WDR54: variants seen among roughly 807,000 people sequenced by gnomAD.
WDR54 encodes the protein WD repeat-containing protein 54.
WDR54 carries 44 observed loss-of-function variants against 44.1 expected under a neutral mutation model. The observed-to-expected ratio is 1.00, with a 90% CI of 0.78 to 1.28. The LOEUF (loss-of-function observed/expected upper bound fraction) is 1.28. WDR54 is among the 50% of genes most tolerant of loss of function. The pLI is 0.00. For missense variants in WDR54, 409 were observed against 429.7 expected (o/e 0.95, Z 0.43); for synonymous variants, 169 against 169.8 (o/e 1.00, Z 0.04).
chr2:74,422,282 G>C lies in WDR54; in HGVS notation c.129G>C (p.Gln43His). 6.2e-7 allele frequency: 1 copy of C among 1,614,222 alleles called. No individual in the cohort carries two copies. Among genetic ancestry groups the C allele is most frequent in the Non-Finnish European group, 8.5e-7 (1 of 1,180,040 alleles). Residue 43 changes from glutamine (Q) to histidine (H), a missense_variant, in exon 2 of 10, where the codon CAG becomes CAC. By Grantham distance (24) the Gln-to-His change is conservative. Coordinates refer to ENST00000348227, the MANE Select transcript of WDR54 (RefSeq NM_032118.4). Reference sequence around the variant, plus strand: ...GCGTGGTTCATGGACCAAGCGCCCAGCTTCTCAGCGCTGCTCCTGAGGGTG... The same window carrying C: ...GCGTGGTTCATGGACCAAGCGCCCACCTTCTCAGCGCTGCTCCTGAGGGTG... ...YFGVVHGPSA[Q>H]LLSAAPEGVP...
chr2:74,424,447 T>C (rs1160905813), intron 6 of WDR54, among the ~76,000 whole-genome samples: 3 of 152,220 alleles, frequency 2.0e-5, no homozygotes, highest in Non-Finnish European at 1.5e-5. Context: ...GTGTATATTT[T>C]CTTATTCATA....
Position 74,422,269 on chromosome 2 carries a change from G to A in WDR54, c.116G>A (p.Gly39Glu), listed in dbSNP as rs1670136507. The A allele has an allele frequency of 6.2e-7, 1 of 1,614,086 alleles. No homozygotes were observed. The highest frequency in any genetic ancestry group is 8.5e-7 in the Non-Finnish European group (1 of 1,180,048). The change falls in exon 2 of 10, where the codon GGA becomes GAA. Residue 39 changes from glycine (G) to glutamate (E), a missense_variant. Transcript: ENST00000348227. ...CTCACGTATTTTGGCGTGGTTCATG[G>A]ACCAAGCGCCCAGCTTCTCAGCGCT... is the stretch of plus-strand genomic sequence containing the variant. ...RNLTYFGVVH[G>E]PSAQLLSAAP...
intron 8 of WDR54, 39 bp from the exon 9 acceptor site, chr2:74,425,378 C>T (rs56403792): frequency 9.9e-6 from 16 of 1,612,356 alleles, no homozygotes; most frequent in African/African-American, 4.0e-5. Context: ...ATAGCTGTCC[C>T]GTCAGGGCAT....
chr2:74,425,536 G>A (rs1670339812), intron 9 of WDR54, 34 bp from the exon 10 acceptor site: 1 of 1,614,094 alleles, frequency 6.2e-7, no homozygotes, highest in African/African-American at 1.3e-5. Context: ...CAAGCATGGG[G>A]CAGCAGGCCC....
At chr2:74,421,962 G>C in intron 1 of WDR54, 146 bp downstream of exon 1, 2 of 627,424 alleles carry the variant, frequency 3.2e-6, no homozygotes, top group Non-Finnish European at 5.7e-6. Context: ...CGATTCCCCC[G>C]TCGCCCCAAA....
Position 74,423,405 on chromosome 2 carries a change from G to A in WDR54, c.352+20G>A, listed in dbSNP as rs1441536877. The A allele has an allele frequency of 6.2e-7, 1 of 1,614,110 alleles. No homozygotes were observed. Among genetic ancestry groups the A allele is most frequent in the Non-Finnish European group, 8.5e-7 (1 of 1,180,050 alleles). On this transcript the variant is annotated intron_variant, in intron 4 of 9. Coordinates refer to ENST00000348227, the MANE Select transcript of WDR54 (RefSeq NM_032118.4). ...CCCCAGGTACCTGCAGGACCAAGTG[G>A]GGTGGGGGCAGGGAGTGTTTGCTAG...
intron 6 of WDR54, among the ~76,000 whole-genome samples, chr2:74,424,192 GAT>G (rs1416332488): frequency 6.6e-6 from 1 of 152,328 alleles, no homozygotes; most frequent in African/African-American, 2.4e-5. Context: ...TTATAATACT[GAT>G]GTGAAATGAG....
At chr2:74,423,124 C>T in intron 3 of WDR54, 192 bp downstream of exon 3, 2 of 823,548 alleles carry the variant, frequency 2.4e-6, no homozygotes, top group Non-Finnish European at 4.0e-6. Context: ...GTATCTGCCC[C>T]TTTACTAGCT....
chr2:74,422,118 A>C, intron 1 of WDR54, 35 bp from the exon 2 acceptor site: 17 of 1,583,150 alleles, frequency 1.1e-5, no homozygotes, highest in Non-Finnish European at 1.4e-5. Context: ...GTCTGTTTGT[A>C]GCGCGCCTGG....
chr2:74,424,679 GGAAAGCAGTTCATGCTTCCCAAGGGAAC>G (rs1670278844), intron 6 of WDR54, among the ~76,000 whole-genome samples, 168 bp from the exon 7 acceptor site: 1 of 152,208 alleles, frequency 6.6e-6, no homozygotes, highest in Non-Finnish European at 1.5e-5. Flanking sequence ...AGAAATTCAA[GGAAAGCAGTTCATGCTTCCCAAGGGAAC>G]CCTGGTGGTA....
In WDR54 at chr2:74,423,357, T is replaced by A. The variant is rs755967908; in HGVS notation, c.324T>A (p.His108Gln). 64 of 1,614,116 alleles carry A rather than the reference T, an allele frequency of 4.0e-5. No homozygotes were observed. The South Asian group carries it at 6.6e-4, about 17-fold the overall frequency. Reference sequence around the variant, plus strand: ...ATGGCTACACCATGGTCTACTGGCATGCACTGGACTCTGGAGATGCCTCCC... The same window carrying A: ...ATGGCTACACCATGGTCTACTGGCAAGCACTGGACTCTGGAGATGCCTCCC... ...ESNGYTMVYW[H>Q]ALDSGDASPV... The change falls in exon 4 of 10, where the codon CAT becomes CAA. Residue 108 changes from histidine (H) to glutamine (Q), a missense_variant. Transcript: ENST00000348227.
In WDR54 at chr2:74,425,719, T is replaced by C; in HGVS notation, c.*18T>C. The C allele has an allele frequency of 2.5e-6, 4 of 1,614,056 alleles. No individual in the cohort carries two copies. The highest frequency in any genetic ancestry group is 1.1e-5 in the South Asian group (1 of 91,004). On this transcript the variant is annotated 3_prime_UTR_variant, in exon 10 of 10. Transcript: ENST00000348227. ...GTGTGTGAGAAGAGCAGCCTTCCTT[T>C]GTCCCTGTGGTATTCATAAAGTACC...
chr2:74,424,579 G>C (rs183120442), intron 6 of WDR54, among the ~76,000 whole-genome samples: 78 of 152,306 alleles, frequency 5.1e-4, no homozygotes, highest in Admixed American at 5.0e-3. Flanking sequence ...CCTCCAGAAG[G>C]TCACGACACT....
At position 74,423,928 on chromosome 2, in the gene WDR54, G is replaced by C. The variant is rs762021131; in HGVS notation, c.480G>C (p.Leu160=). ...CCAACATTGTACTGAGCGAGGAGCT[G>C]GCTGGGCACCAGATGCCAATCACAG... ...KGPNIVLSEE[L]AGHQMPITDI... is the part of the protein sequence containing the mutation. Residue 160 remains leucine, a synonymous_variant, in exon 6 of 10, where the codon CTG becomes CTC. Transcript: ENST00000348227. The C allele has an allele frequency of 6.2e-7, 1 of 1,614,126 alleles. No individual in the cohort carries two copies. The highest frequency in any genetic ancestry group is 1.7e-5 in the Admixed American group (1 of 60,010).
At position 74,425,716 on chromosome 2, in the gene WDR54, C is replaced by G. The variant is rs1670353589; in HGVS notation, c.*15C>G. On this transcript the variant is annotated 3_prime_UTR_variant, in exon 10 of 10. Transcript: ENST00000348227. Reference sequence around the variant, plus strand: ...GCAGTGTGTGAGAAGAGCAGCCTTCCTTTGTCCCTGTGGTATTCATAAAGT... The same window carrying G: ...GCAGTGTGTGAGAAGAGCAGCCTTCGTTTGTCCCTGTGGTATTCATAAAGT... 1 of 1,613,924 alleles carries G rather than the reference C, an allele frequency of 6.2e-7. No individual in the cohort carries two copies. Among genetic ancestry groups the G allele is most frequent in the African/African-American group, 1.3e-5 (1 of 74,918 alleles).
chr2:74,421,735 T>A lies in WDR54; in HGVS notation c.-83T>A, dbSNP rs760446720. The A allele has an allele frequency of 3.4e-6, 2 of 587,034 alleles. No homozygotes were observed. The highest frequency in any genetic ancestry group is 3.2e-5 in the Admixed American group (1 of 31,374). The allele number at this position is 587,034 out of a possible 1,614,324, so 36.4% of individuals were successfully genotyped here. ...GCTCACCCCGCCCAAGGGCCGTGCG[T>A]ACGTGCGTCGTCTCTATGGTGGCGG... On this transcript the variant is annotated 5_prime_UTR_variant, in exon 1 of 10. Coordinates refer to ENST00000348227, the MANE Select transcript of WDR54 (RefSeq NM_032118.4).
intron 1 of WDR54, 34 bp from the exon 2 acceptor site, chr2:74,422,119 G>T (rs1257943475): frequency 6.3e-7 from 1 of 1,599,890 alleles, no homozygotes; most frequent in Non-Finnish European, 8.5e-7. Context: ...TCTGTTTGTA[G>T]CGCGCCTGGT....
At position 74,423,919 on chromosome 2, in the gene WDR54, C is replaced by G. The variant is rs780572333; in HGVS notation, c.471C>G (p.Ser157Arg). The change falls in exon 6 of 10, where the codon AGC becomes AGG. Residue 157 changes from serine to arginine, a missense_variant. Coordinates refer to ENST00000348227, the MANE Select transcript of WDR54 (RefSeq NM_032118.4). ...IPAKGPNIVL[S>R]EELAGHQMPI... is the part of the protein sequence containing the mutation. ...CAAAGGGTCCCAACATTGTACTGAG[C>G]GAGGAGCTGGCTGGGCACCAGATGC... 6.2e-7 allele frequency: 1 copy of G among 1,613,980 alleles called. No homozygotes were observed. The highest frequency in any genetic ancestry group is 1.7e-5 in the Admixed American group (1 of 59,992).
At chr2:74,424,113 G>A in intron 6 of WDR54, 131 bp downstream of exon 6, 1 of 1,115,924 alleles carries the variant, frequency 9.0e-7, no homozygotes. Flanking sequence ...CTAGTCTTCA[G>A]CAACCAGGTT....
Sources: gnomAD v4.1 joint callset for allele counts (sites outside exome capture counted in the v4.1 genomes callset) on GRCh38, gnomAD v4.1.1 for gene constraint, MANE v1.5 for transcripts, NCBI Gene and HGNC (gene_info 2026-07-23, HGNC 2026-07-21) for gene names.